The following GGCX variants were observed in gnomAD, a reference collection of about 807,000 sequenced individuals.
GGCX encodes the protein vitamin K-dependent gamma-carboxylase.
A neutral mutation model predicts 88.5 loss-of-function variants in GGCX; 63 were observed. The ratio of observed to expected loss-of-function variants is 0.71; its 90% confidence interval spans 0.58 to 0.88. GGCX has a LOEUF of 0.88. Among genes scored for constraint, GGCX ranks in the 40% least tolerant of loss-of-function variants. The probability of loss-of-function intolerance (pLI) is 0.00; values close to 1 mark genes in which losing one functional copy is unlikely to be tolerated. For missense variants in GGCX, 805 were observed against 932.9 expected (o/e 0.86, Z 1.79); for synonymous variants, 368 against 365.8 (o/e 1.01, Z -0.07).
intron 4 of GGCX, among the ~76,000 whole-genome samples, chr2:85,557,423 G>A (rs1210521186): frequency 6.6e-6 from 1 of 152,180 alleles, no homozygotes; most frequent in African/African-American, 2.4e-5. Flanking sequence ...AGAAGGTTGA[G>A]GCTGCAGTGA....
rs566817375 is a variant in GGCX at position 85,546,203 on chromosome 2, C to T, written c.*3731G>A. ...TAGGCGTGAGCCTATAATCCTAGCACTTTGGGAGGCCAAGGCATGCAGATC... is the reference window on the plus strand; with the variant it reads ...TAGGCGTGAGCCTATAATCCTAGCATTTTGGGAGGCCAAGGCATGCAGATC... On this transcript the variant is annotated 3_prime_UTR_variant, in exon 15 of 15. Coordinates refer to ENST00000233838, the MANE Select transcript of GGCX (RefSeq NM_000821.7). The T allele has an allele frequency of 1.3e-4, 20 of 152,384 alleles. No homozygotes were observed. The East Asian group carries it at 3.5e-3, about 26-fold the overall frequency. The allele number at this position is 152,384 out of a possible 1,614,324, so 9.4% of individuals were successfully genotyped here. A position where few individuals can be genotyped will look rare whatever the true frequency, so the allele number is the denominator to read the frequency against.
Position 85,550,614 on chromosome 2 carries a change from A to G in GGCX, c.2025T>C (p.Thr675=), listed in dbSNP as rs1383666473. The change falls in exon 14 of 15, where the codon ACT becomes ACC. Residue 675 remains threonine (T), a synonymous_variant. Coordinates refer to ENST00000233838, the MANE Select transcript of GGCX (RefSeq NM_000821.7). ...AGCGGAAGAATCGCTCATGGAAAGG[A>G]GTATTTCGCCGGCGTTCAATCTCCT... is the stretch of plus-strand genomic sequence containing the variant. ...RLQEIERRRN[T]PFHERFFRFL... 4.3e-6 allele frequency: 7 copies of G among 1,613,918 alleles called. No individual in the cohort carries two copies. Among genetic ancestry groups the G allele is most frequent in the Middle Eastern group, 1.6e-4 (1 of 6,084 alleles).
chr2:85,551,758 G>T, intron 11 of GGCX, 54 bp downstream of exon 11: 1 of 1,583,394 alleles, frequency 6.3e-7, no homozygotes, highest in Non-Finnish European at 8.7e-7. Flanking sequence ...AATGTCCCTG[G>T]CCAAGGAAGC....
intron 5 of GGCX, 145 bp downstream of exon 5, chr2:85,556,037 G>A: frequency 1.4e-6 from 1 of 692,360 alleles, no homozygotes; most frequent in Non-Finnish European, 2.6e-6. Flanking sequence ...GAAAAAATGA[G>A]AAGCCAGCCT....
chr2:85,550,551 T>C lies in GGCX; in HGVS notation c.2084+4A>G, dbSNP rs781684844. 6 of 1,609,204 alleles carry C rather than the reference T, an allele frequency of 3.7e-6. No homozygotes were observed. The highest frequency in any genetic ancestry group is 5.1e-6 in the Non-Finnish European group (6 of 1,175,462). ...GGCAATGACAAATATTGTTGTGAACTTACCTGCGGCGAAAGACATAGAGCT... is the reference window on the plus strand; with the variant it reads ...GGCAATGACAAATATTGTTGTGAACCTACCTGCGGCGAAAGACATAGAGCT... On this transcript the variant is annotated splice_donor_region_variant and intron_variant, in intron 14 of 14. Coordinates refer to ENST00000233838, the MANE Select transcript of GGCX (RefSeq NM_000821.7).
At chr2:85,557,122 C>T (rs937446903) in intron 4 of GGCX, among the ~76,000 whole-genome samples, 1 of 152,058 alleles carries the variant, frequency 6.6e-6, no homozygotes, top group African/African-American at 2.4e-5. Flanking sequence ...CAGAGCAAGA[C>T]CCTGACTCCA....
At position 85,549,862 on chromosome 2, in the gene GGCX, A is replaced by G. The variant is rs577190560; in HGVS notation, c.*72T>C. The G allele has an allele frequency of 3.0e-6, 3 of 1,008,782 alleles. No individual in the cohort carries two copies. Among genetic ancestry groups the G allele is most frequent in the Non-Finnish European group, 4.4e-6 (3 of 676,618 alleles). 62.5% of individuals were successfully genotyped at this position (1,008,782 alleles called of 1,614,324 possible). ...AAAAAACTTTTGAGAATTTTTTTCAAATAAATGTCCATTGCATAGAATGGG... is the reference window on the plus strand; with the variant it reads ...AAAAAACTTTTGAGAATTTTTTTCAGATAAATGTCCATTGCATAGAATGGG... On this transcript the variant is annotated 3_prime_UTR_variant, in exon 15 of 15. Transcript: ENST00000233838.
intron 9 of GGCX, 73 bp downstream of exon 9, chr2:85,552,866 G>GT: frequency 2.0e-6 from 3 of 1,535,414 alleles, no homozygotes; most frequent in Non-Finnish European, 2.7e-6. Flanking sequence ...TATGGTGTGT[G>GT]TAAGACAAAA....
chr2:85,552,799 A>G, intron 9 of GGCX, 140 bp downstream of exon 9: 1 of 990,930 alleles, frequency 1.0e-6, no homozygotes. Flanking sequence ...CCCACATAAA[A>G]GATAGTTCAA....
intron 12 of GGCX, 121 bp downstream of exon 12, chr2:85,551,359 T>A: frequency 1.0e-6 from 1 of 992,516 alleles, no homozygotes; most frequent in African/African-American, 1.6e-5. Context: ...GGGGTCTCAC[T>A]CTGTTGCTCA....
chr2:85,551,370 G>T, intron 12 of GGCX, 110 bp downstream of exon 12: 1 of 1,093,206 alleles, frequency 9.1e-7, no homozygotes. Context: ...CTGTTGCTCA[G>T]GCTCACTGTG....
At position 85,556,093 on chromosome 2, in the gene GGCX, G is replaced by A. The variant is rs139628498; in HGVS notation, c.618+89C>T. The stretch of plus-strand genomic sequence containing the variant: ...AAACTAAAAACAGAAGATCCAGGGA[G>A]GCAGCGGAGAGTGTAGTCTGGCAGT... On this transcript the variant is annotated intron_variant, in intron 5 of 14. Coordinates refer to ENST00000233838, the MANE Select transcript of GGCX (RefSeq NM_000821.7). 9,095 of 820,724 alleles carry A rather than the reference G, an allele frequency of 0.011. 78 individuals are homozygous for A. The highest frequency in any genetic ancestry group is 0.014 in the Non-Finnish European group (6,594 of 464,702). The allele number at this position is 820,724 out of a possible 1,614,324, so 50.8% of individuals were successfully genotyped here.
intron 6 of GGCX, 119 bp from the exon 7 acceptor site, chr2:85,554,425 TC>T (rs1197226470): frequency 5.8e-6 from 5 of 855,910 alleles, no homozygotes; most frequent in Non-Finnish European, 1.0e-5. Context: ...AGGTACATAA[TC>T]CACCCATGAA....
chr2:85,552,468 G>A lies in GGCX; in HGVS notation c.1387C>T (p.Pro463Ser), dbSNP rs570944932. Reference sequence around the variant, plus strand: ...ACCCAAATATCAAAGTAGATCTGGGGCTCAGTGACATTATACTTGGGAAGC... The same window carrying A: ...ACCCAAATATCAAAGTAGATCTGGGACTCAGTGACATTATACTTGGGAAGC... ...RLLPKYNVTE[P>S]QIYFDIWVSI... is the part of the protein sequence containing the mutation. Residue 463 changes from proline to serine, a missense_variant, in exon 10 of 15, where the codon CCC becomes TCC. Coordinates refer to ENST00000233838, the MANE Select transcript of GGCX (RefSeq NM_000821.7). The A allele has an allele frequency of 6.9e-5, 111 of 1,613,396 alleles. No homozygotes were observed. In the South Asian group the frequency reaches 1.1e-3, roughly 17 times the overall value.
Position 85,554,213 on chromosome 2 carries a change from A to G in GGCX, c.819T>C (p.Asp273=), listed in dbSNP as rs1305553964. 6.2e-7 allele frequency: 1 copy of G among 1,613,216 alleles called. No individual in the cohort carries two copies. The highest frequency in any genetic ancestry group is 8.5e-7 in the Non-Finnish European group (1 of 1,179,246). The change falls in exon 7 of 15, where the codon GAT becomes GAC. Residue 273 remains aspartate, a synonymous_variant. Transcript: ENST00000233838. ...DLSAGFLLFF[D]VSRSIGLFFV... Reference sequence around the variant, plus strand: ...AGAACAGGCCAATGGATCTTGAGACATCAAAAAAGAGCAGGAAACCAGCTG... The same window carrying G: ...AGAACAGGCCAATGGATCTTGAGACGTCAAAAAAGAGCAGGAAACCAGCTG...
chr2:85,552,526 C>T lies in GGCX; in HGVS notation c.1329G>A (p.Met443Ile). ...QSRRWKDHADMLKQYATCLSR... is the reference protein window; with the variant it reads ...QSRRWKDHADILKQYATCLSR... ...TCAGGCAAGTGGCATATTGCTTCAG[C>T]ATGTCTGCATGATCCTTCCATCGCC... is the stretch of plus-strand genomic sequence containing the variant. The change falls in exon 10 of 15, where the codon ATG becomes ATA. Residue 443 changes from methionine (M) to isoleucine (I), a missense_variant. Physicochemically the swap from Met to Ile is conservative, Grantham distance 10. Transcript: ENST00000233838. The T allele has an allele frequency of 6.2e-7, 1 of 1,613,922 alleles. No individual in the cohort carries two copies. The highest frequency in any genetic ancestry group is 8.5e-7 in the Non-Finnish European group (1 of 1,179,884).
intron 1 of GGCX, 108 bp downstream of exon 1, chr2:85,561,278 G>GCCCCCCCC (rs1692444943): frequency 4.8e-4 from 270 of 568,152 alleles, no homozygotes; most frequent in African/African-American, 1.2e-3. Flanking sequence ...CCCCACAGAG[G>GCCCCCCCC]ACCCCCCCCC....
Position 85,549,924 on chromosome 2 carries a change from C to T in GGCX, c.*10G>A, listed in dbSNP as rs764862796. On this transcript the variant is annotated 3_prime_UTR_variant, in exon 15 of 15. Coordinates refer to ENST00000233838, the MANE Select transcript of GGCX (RefSeq NM_000821.7). Reference sequence around the variant, plus strand: ...CTGCTTCTACATCTGCACCCAACATCTGGCCCCCTTCAGAACTCTGAGTGG... The same window carrying T: ...CTGCTTCTACATCTGCACCCAACATTTGGCCCCCTTCAGAACTCTGAGTGG... 3 of 1,591,352 alleles carry T rather than the reference C, an allele frequency of 1.9e-6. No individual in the cohort carries two copies. The African/African-American group carries it at 4.0e-5, about 21-fold the overall frequency.
rs1691623204 is a variant in GGCX, at chr2:85,545,641, T to C, written c.*4293A>G. The C allele has an allele frequency of 6.6e-6, 1 of 152,184 alleles. No individual in the cohort carries two copies. Among genetic ancestry groups the C allele is most frequent in the Non-Finnish European group, 1.5e-5 (1 of 68,044 alleles). 9.4% of individuals were successfully genotyped at this position (152,184 alleles called of 1,614,324 possible). The stretch of plus-strand genomic sequence containing the variant: ...ACTTAAGCCAAAATTCATGTGTCCT[T>C]ATTGCAGCAGCCATTCAATGCCATT... On this transcript the variant is annotated 3_prime_UTR_variant, in exon 15 of 15. Transcript: ENST00000233838.
Sources: gnomAD v4.1 joint callset for allele counts (sites outside exome capture counted in the v4.1 genomes callset) on GRCh38, gnomAD v4.1.1 for gene constraint, MANE v1.5 for transcripts, NCBI Gene and HGNC (gene_info 2026-07-23, HGNC 2026-07-21) for gene names.